The following NPDC1 variants were observed in gnomAD, a reference collection of about 807,000 sequenced individuals.
NPDC1 encodes the protein neural proliferation differentiation and control protein 1.
In NPDC1, 18 loss-of-function variants were observed where a neutral mutation model predicts 32.5. The ratio of observed to expected loss-of-function variants is 0.55; its 90% CI spans 0.38 to 0.82. The LOEUF (loss-of-function observed/expected upper bound fraction) is 0.82. Ranked by LOEUF, NPDC1 falls within the 40% of genes least tolerant of loss-of-function variation. The probability of loss-of-function intolerance (pLI) is 0.00; values close to 1 mark genes in which losing one functional copy is unlikely to be tolerated. For synonymous variants in NPDC1, 210 were observed against 184.7 expected (o/e 1.14, Z -1.11); for missense variants, 468 against 406.6 (o/e 1.15, Z -1.30).
intron 2 of NPDC1, 152 bp from the exon 3 acceptor site, chr9:137,041,339 C>A (rs1295071985): frequency 1.1e-5 from 10 of 899,188 alleles, no homozygotes; most frequent in Non-Finnish European, 1.3e-5. Flanking sequence ...ATGGTGACAG[C>A]GCGGGCGCTT....
chr9:137,040,791 GC>G, intron 4 of NPDC1, 22 bp downstream of exon 4: 1 of 1,585,260 alleles, frequency 6.3e-7, no homozygotes. Flanking sequence ...TGCTGCCCCT[GC>G]CCACCCCCGA....
intron 2 of NPDC1, 37 bp downstream of exon 2, chr9:137,042,890 G>A (rs113750077): frequency 7.0e-6 from 11 of 1,564,138 alleles, no homozygotes; most frequent in African/African-American, 5.4e-5. Context: ...TTCATGCAGG[G>A]ACATCCCCCC....
rs1170154750 is a variant in NPDC1 at position 137,045,927 on chromosome 9, G to A, written c.63C>T (p.Ser21=). 1 of 1,176,420 alleles carries A rather than the reference G, an allele frequency of 8.5e-7. No homozygotes were observed. The highest frequency in any genetic ancestry group is 1.0e-6 in the Non-Finnish European group (1 of 952,630). The allele number at this position is 1,176,420 out of a possible 1,614,324, so 72.9% of individuals were successfully genotyped here. A position where few individuals can be genotyped will look rare whatever the true frequency, so the allele number is the denominator to read the frequency against. ...GCAGGGCGGCGCCGAGGACGAGGCC[G>A]GAGAGCAGCAGCCGCAGCAGCCGCA... ...RHLRLLRLLL[S]GLVLGAALRG... is the part of the protein sequence containing the mutation. Residue 21 remains serine, a synonymous_variant, in exon 1 of 9, where the codon TCC becomes TCT. Transcript: ENST00000371601.
chr9:137,040,160 G>A (rs916033626), intron 7 of NPDC1, 93 bp from the exon 8 acceptor site: 24 of 705,974 alleles, frequency 3.4e-5, no homozygotes, highest in Non-Finnish European at 5.4e-5. Context: ...TCAGCCCTGG[G>A]GTGGCAGGGG....
chr9:137,041,656 G>A (rs1275411311), intron 2 of NPDC1, among the ~76,000 whole-genome samples: 2 of 152,266 alleles, frequency 1.3e-5, no homozygotes, highest in Non-Finnish European at 2.9e-5. Context: ...GGCTCCACCG[G>A]TACCCACTGT....
At chr9:137,040,288 G>A in intron 7 of NPDC1, 69 bp downstream of exon 7, 2 of 1,424,702 alleles carry the variant, frequency 1.4e-6, no homozygotes, top group Admixed American at 4.0e-5. Context: ...CAGGGGAGGT[G>A]GAAATGGAGG....
intron 1 of NPDC1, among the ~76,000 whole-genome samples, chr9:137,045,325 A>G (rs2131504473): frequency 6.6e-6 from 1 of 152,366 alleles, no homozygotes; most frequent in African/African-American, 2.4e-5. Flanking sequence ...AAGCTAGAAC[A>G]GCACCCCGAG....
chr9:137,046,175 T>G lies in NPDC1; in HGVS notation c.-186A>C. 1.8e-6 allele frequency: 2 copies of G among 1,098,102 alleles called. No individual in the cohort carries two copies. Among genetic ancestry groups the G allele is most frequent in the African/African-American group, 1.7e-5 (1 of 59,846 alleles). 68.0% of individuals were successfully genotyped at this position (1,098,102 alleles called of 1,614,324 possible). ...GGCGGCGCTGACGCTGCAGCAAGGA[T>G]CCGGGATGGAGGCGCCGGCGAGGCG... is the stretch of plus-strand genomic sequence containing the variant. On this transcript the variant is annotated 5_prime_UTR_variant, in exon 1 of 9. Transcript: ENST00000371601.
rs1282657389 is a variant in NPDC1 at position 137,040,562 on chromosome 9, G to A, written c.660C>T (p.Asp220=). The part of the protein sequence containing the change: ...QREIRLTQKA[D]YATAKAPGSP... ...AGCCAGGGGCCTTCGCAGTGGCGTA[G>A]TCGGCCTTCTGAGTCAGGCGGATCT... Residue 220 remains aspartate (D), a synonymous_variant, in exon 6 of 9, where the codon GAC becomes GAT. Coordinates refer to ENST00000371601, the MANE Select transcript of NPDC1 (RefSeq NM_015392.4). 1.3e-6 allele frequency: 2 copies of A among 1,584,696 alleles called. No individual in the cohort carries two copies. The highest frequency in any genetic ancestry group is 1.7e-5 in the Admixed American group (1 of 57,316).
chr9:137,041,874 G>C (rs1031980501), intron 2 of NPDC1, among the ~76,000 whole-genome samples: 1 of 152,340 alleles, frequency 6.6e-6, no homozygotes, highest in Middle Eastern at 3.4e-3. Context: ...GCTGGCGAGC[G>C]GGGCATCCCC....
Position 137,039,654 on chromosome 9 carries a change from C to G in NPDC1, c.*118G>C. On this transcript the variant is annotated 3_prime_UTR_variant, in exon 9 of 9. Coordinates refer to ENST00000371601, the MANE Select transcript of NPDC1 (RefSeq NM_015392.4). ...GCAAGGGGTCCCAGGGCCTGGAGCC[C>G]GAGGCCCAGCCAAAAGCACACAGCA... The G allele has an allele frequency of 1.7e-6, 1 of 599,216 alleles. No homozygotes were observed. The highest frequency in any genetic ancestry group is 3.0e-6 in the Non-Finnish European group (1 of 335,192). The allele number at this position is 599,216 out of a possible 1,614,324, so 37.1% of individuals were successfully genotyped here. A position where few individuals can be genotyped will look rare whatever the true frequency, so the allele number is the denominator to read the frequency against.
intron 3 of NPDC1, 34 bp downstream of exon 3, chr9:137,041,028 C>T (rs771010166): frequency 1.3e-6 from 2 of 1,522,496 alleles, no homozygotes; most frequent in Non-Finnish European, 1.8e-6. Context: ...GGGCTAGGGA[C>T]AGGGCCGTGG....
At chr9:137,043,233 G>T (rs1832084353) in intron 1 of NPDC1, 160 bp from the exon 2 acceptor site, 3 of 838,522 alleles carry the variant, frequency 3.6e-6, no homozygotes, top group Non-Finnish European at 4.0e-6. Flanking sequence ...CTGACGCCAG[G>T]GCTCAGAACC....
intron 2 of NPDC1, among the ~76,000 whole-genome samples, chr9:137,042,096 G>A (rs1452342465): frequency 6.6e-6 from 1 of 152,222 alleles, no homozygotes; most frequent in East Asian, 1.9e-4. Context: ...CTCCTGGGAG[G>A]GCCTGACTGC....
chr9:137,045,744 G>T lies in NPDC1; in HGVS notation c.112+134C>A. On this transcript the variant is annotated intron_variant, in intron 1 of 8. Transcript: ENST00000371601. The stretch of plus-strand genomic sequence containing the variant: ...CCATCGTGGGCGAGGCGGGGCCCCC[G>T]CCACCAGCGGACCAGGCCTGCAGGG... 6.5e-6 allele frequency: 3 copies of T among 464,820 alleles called. No individual in the cohort carries two copies. The South Asian group carries it at 2.7e-4, about 42-fold the overall frequency. The allele number at this position is 464,820 out of a possible 1,614,324, so 28.8% of individuals were successfully genotyped here. A position where few individuals can be genotyped will look rare whatever the true frequency, so the allele number is the denominator to read the frequency against.
In NPDC1 at chr9:137,040,371, C is replaced by T; in HGVS notation, c.774G>A (p.Met258Ile). The T allele has an allele frequency of 1.3e-6, 2 of 1,545,302 alleles. No homozygotes were observed. Among genetic ancestry groups the T allele is most frequent in the Non-Finnish European group, 1.7e-6 (2 of 1,146,710 alleles). Residue 258 changes from methionine (M) to isoleucine (I), a missense_variant, in exon 7 of 9, where the codon ATG becomes ATA. Physicochemically the swap from Met to Ile is conservative, Grantham distance 10. Coordinates refer to ENST00000371601, the MANE Select transcript of NPDC1 (RefSeq NM_015392.4). ...MYHYQHQRQQ[M>I]LCLERHKEPP... ...CGGCCACTCACCGCTCCAGGCACAG[C>T]ATCTGTTGCCGTTGGTGCTGGTAGT...
At chr9:137,045,413 G>A (rs572066776) in intron 1 of NPDC1, among the ~76,000 whole-genome samples, 17 of 152,376 alleles carry the variant, frequency 1.1e-4, no homozygotes, top group African/African-American at 3.8e-4. Context: ...CCCAAGGCGT[G>A]AGGACAGGCA....
intron 1 of NPDC1, among the ~76,000 whole-genome samples, chr9:137,045,260 G>A (rs1295930188): frequency 6.6e-6 from 1 of 152,234 alleles, no homozygotes; most frequent in Non-Finnish European, 1.5e-5. Context: ...CAGTGCCCTC[G>A]AGGGCAGGGG....
At chr9:137,045,700 C>G (rs1019398703) in intron 1 of NPDC1, among the ~76,000 whole-genome samples, 178 bp downstream of exon 1, 1 of 152,062 alleles carries the variant, frequency 6.6e-6, no homozygotes. Context: ...GCTGCGCCCT[C>G]CGGCCAGGCC....
Sources: gnomAD v4.1 joint callset for allele counts (sites outside exome capture counted in the v4.1 genomes callset) on GRCh38, gnomAD v4.1.1 for gene constraint, MANE v1.5 for transcripts, NCBI Gene and HGNC (gene_info 2026-07-23, HGNC 2026-07-21) for gene names.